The following NALCN variants were observed in gnomAD, a reference collection of about 807,000 sequenced individuals.
NALCN encodes the protein sodium leak channel, non-selective.
A neutral mutation model predicts 225.3 loss-of-function variants in NALCN; 111 were observed. The observed-to-expected ratio is 0.49, with a 90% confidence interval of 0.42 to 0.58. The LOEUF (loss-of-function observed/expected upper bound fraction) is 0.58, where lower values mean the gene tolerates loss of function less well. Ranked by LOEUF, NALCN falls within the 20% of genes least tolerant of loss-of-function variation. The pLI is 0.00. For synonymous variants in NALCN, 764 were observed against 769.0 expected, an observed-to-expected ratio of 0.99 and a Z score of 0.11; for missense variants, 1,378 against 2,202.4, an observed-to-expected ratio of 0.63 and a Z score of 7.49.
intron 18 of NALCN, among the ~76,000 whole-genome samples, chr13:101,122,744 A>C (rs1028576220): frequency 1.3e-5 from 2 of 152,224 alleles, no homozygotes; most frequent in Non-Finnish European, 2.9e-5. Flanking sequence ...CAATCAGCTG[A>C]ATCTGTCAGA....
chr13:101,133,208 C>G (rs183101644), intron 17 of NALCN, among the ~76,000 whole-genome samples: 1 of 152,160 alleles, frequency 6.6e-6, no homozygotes, highest in Non-Finnish European at 1.5e-5. Flanking sequence ...AAACCACCTT[C>G]AGAATGAAGC....
intron 10 of NALCN, among the ~76,000 whole-genome samples, chr13:101,270,910 T>G (rs2042754774): frequency 6.6e-6 from 1 of 152,160 alleles, no homozygotes; most frequent in African/African-American, 2.4e-5. Flanking sequence ...TTGCCAAAGG[T>G]GACAATGCAA....
intron 1 of NALCN, among the ~76,000 whole-genome samples, chr13:101,412,745 C>T (rs1316398409): frequency 2.0e-5 from 3 of 152,176 alleles, no homozygotes; most frequent in Non-Finnish European, 4.4e-5. Context: ...ATTCTGCAGC[C>T]TAGGAAAGAA....
chr13:101,306,683 G>C (rs780205203), intron 7 of NALCN, among the ~76,000 whole-genome samples: 8 of 152,198 alleles, frequency 5.3e-5, no homozygotes, highest in Non-Finnish European at 8.8e-5. Context: ...GACTTGTCAT[G>C]AATTGCTGTG....
At chr13:101,346,859 A>G (rs2045755269) in intron 6 of NALCN, among the ~76,000 whole-genome samples, 1 of 152,126 alleles carries the variant, frequency 6.6e-6, no homozygotes, top group Non-Finnish European at 1.5e-5. Context: ...TGATGATTTC[A>G]GAAGCCTTCT....
chr13:101,135,339 G>T (rs1254671425), intron 17 of NALCN, among the ~76,000 whole-genome samples: 7 of 152,228 alleles, frequency 4.6e-5, no homozygotes, highest in African/African-American at 9.6e-5. Context: ...AGGTGAGTGG[G>T]CTTGTGATTC....
At chr13:101,156,139 G>A (rs111232381) in intron 15 of NALCN, among the ~76,000 whole-genome samples, 7 of 152,068 alleles carry the variant, frequency 4.6e-5, no homozygotes, top group African/African-American at 1.2e-4. Flanking sequence ...ACTTTCAGTC[G>A]GCTTCTCTAG....
intron 11 of NALCN, among the ~76,000 whole-genome samples, chr13:101,247,824 C>T (rs1036635100): frequency 8.5e-5 from 13 of 152,108 alleles, no homozygotes; most frequent in Admixed American, 3.3e-4. Context: ...TCCTGATAGG[C>T]CCCAGTGTGT....
chr13:101,342,434 C>T (rs1347849556), intron 7 of NALCN, among the ~76,000 whole-genome samples: 1 of 152,212 alleles, frequency 6.6e-6, no homozygotes, highest in Non-Finnish European at 1.5e-5. Context: ...TCTATCTCCC[C>T]ACCAACTGCC....
intron 9 of NALCN, among the ~76,000 whole-genome samples, chr13:101,285,802 T>C (rs962867931): frequency 6.6e-6 from 1 of 152,212 alleles, no homozygotes; most frequent in South Asian, 2.1e-4. Context: ...GTAAAGTTTC[T>C]GTCAAAATTC....
At chr13:101,180,792 C>T (rs2039177842) in intron 14 of NALCN, 1 of 320,300 alleles carries the variant, frequency 3.1e-6, no homozygotes, top group South Asian at 2.8e-5. Context: ...CCAACACTGC[C>T]GATGCTCCCA....
chr13:101,273,092 A>G (rs1487614211), intron 10 of NALCN, among the ~76,000 whole-genome samples: 1 of 152,206 alleles, frequency 6.6e-6, no homozygotes, highest in East Asian at 1.9e-4. Flanking sequence ...ATGCATATGT[A>G]CTTTCATTCT....
In NALCN at chr13:101,291,978, C is replaced by A. The variant is rs893954841; in HGVS notation, c.1047+12G>T. ...TCGAATGGGTTATAACATCCTCTTG[C>A]TGATAGCGTACCTGGGTGGTGGCTG... is the stretch of plus-strand genomic sequence containing the variant. On this transcript the variant is annotated intron_variant, in intron 9 of 43. Transcript: ENST00000251127. 2 of 1,613,544 alleles carry A rather than the reference C, an allele frequency of 1.2e-6. No homozygotes were observed. Among genetic ancestry groups the A allele is most frequent in the Non-Finnish European group, 1.7e-6 (2 of 1,179,622 alleles).
chr13:101,109,010 T>C (rs1811590282), intron 20 of NALCN, among the ~76,000 whole-genome samples: 1 of 152,196 alleles, frequency 6.6e-6, no homozygotes. Flanking sequence ...TCTGAAGAAG[T>C]AAGCTCCGGC....
intron 7 of NALCN, among the ~76,000 whole-genome samples, chr13:101,305,083 T>C (rs188887392): frequency 6.6e-6 from 1 of 152,140 alleles, no homozygotes; most frequent in Admixed American, 6.5e-5. Context: ...AAAGAAAAAA[T>C]TATTGTTATT....
chr13:101,083,046 G>T (rs377361781), intron 32 of NALCN, 46 bp downstream of exon 32: 35 of 1,584,286 alleles, frequency 2.2e-5, no homozygotes, highest in Non-Finnish European at 3.0e-5. Context: ...GGATGTAGCA[G>T]TGAATACAAA....
intron 17 of NALCN, among the ~76,000 whole-genome samples, chr13:101,137,106 T>C (rs2036837988): frequency 6.6e-6 from 1 of 152,206 alleles, no homozygotes; most frequent in Non-Finnish European, 1.5e-5. Flanking sequence ...TGTGACTAAA[T>C]TGGGAATCCA....
At chr13:101,294,603 G>A (rs919915906) in intron 7 of NALCN, among the ~76,000 whole-genome samples, 1 of 147,202 alleles carries the variant, frequency 6.8e-6, no homozygotes, top group Non-Finnish European at 1.5e-5. Context: ...TGGGTCCAGG[G>A]GGATCACTGC....
chr13:101,063,068 A>G (rs1284458553), intron 40 of NALCN, among the ~76,000 whole-genome samples: 1 of 152,200 alleles, frequency 6.6e-6, no homozygotes, highest in Non-Finnish European at 1.5e-5. Flanking sequence ...TGAGCAGTCC[A>G]CCACCAGAGG....
Sources: allele counts gnomAD v4.1 joint callset (sites outside exome capture counted in the v4.1 genomes callset), GRCh38; gene constraint gnomAD v4.1.1; transcripts MANE v1.5; gene names NCBI Gene and HGNC (gene_info 2026-07-23, HGNC 2026-07-21).